The following LARP7 variants were observed in gnomAD, a reference collection of about 807,000 sequenced individuals.
LARP7 encodes the protein La ribonucleoprotein 7, transcriptional regulator.
In LARP7, 52 loss-of-function variants were observed where a neutral mutation model predicts 69.3. The observed-to-expected ratio is 0.75, with a 90% confidence interval of 0.60 to 0.95. LARP7 has a LOEUF of 0.95. Among genes scored for constraint, LARP7 ranks in the 40% least tolerant of loss-of-function variants. The pLI is 0.00. For missense variants in LARP7, 733 were observed against 673.0 expected, an observed-to-expected ratio of 1.09 and a Z score of -0.99; for synonymous variants, 254 against 215.9, an observed-to-expected ratio of 1.18 and a Z score of -1.55.
rs1402868011 is a variant in LARP7, at chr4:112,646,852, A to G, written c.449A>G (p.Asn150Ser). 13 of 1,607,760 alleles carry G rather than the reference A, an allele frequency of 8.1e-6. No homozygotes were observed. The highest frequency in any genetic ancestry group is 1.1e-5 in the Non-Finnish European group (13 of 1,178,608). ...GAAAGAGTATTTGGGAAATGTGGCAATGTTGTTTATATAAGTATACCACAT... is the reference window on the plus strand; with the variant it reads ...GAAAGAGTATTTGGGAAATGTGGCAGTGTTGTTTATATAAGTATACCACAT... ...WIERVFGKCGNVVYISIPHYK... is the reference protein window; with the variant it reads ...WIERVFGKCGSVVYISIPHYK... Residue 150 changes from asparagine (N) to serine (S), a missense_variant, in exon 5 of 13, where the codon AAT becomes AGT. Asn to Ser is a conservative substitution (Grantham distance 46). Transcript: ENST00000344442.
chr4:112,640,945 G>A (rs1419017519), intron 1 of LARP7, among the ~76,000 whole-genome samples: 1 of 152,220 alleles, frequency 6.6e-6, no homozygotes, highest in Non-Finnish European at 1.5e-5. Flanking sequence ...CCTGAAGTGG[G>A]AATGGCTTTA....
At chr4:112,653,950 A>G in intron 11 of LARP7, 118 bp from the exon 12 acceptor site, 1 of 744,978 alleles carries the variant, frequency 1.3e-6, no homozygotes, top group Non-Finnish European at 2.3e-6. Flanking sequence ...TGTGTAAAGT[A>G]GCATTAAATA....
intron 8 of LARP7, 90 bp downstream of exon 8, chr4:112,647,924 T>TATAA: frequency 1.0e-6 from 1 of 966,558 alleles, no homozygotes; most frequent in Non-Finnish European, 1.7e-6. Flanking sequence ...CAGAGTTGCA[T>TATAA]ATTAGCAACA....
At chr4:112,639,771 T>C (rs1309913643) in intron 1 of LARP7, among the ~76,000 whole-genome samples, 2 of 152,036 alleles carry the variant, frequency 1.3e-5, no homozygotes, top group African/African-American at 4.8e-5. Flanking sequence ...TGGATGGAGA[T>C]GAGAGCCATT....
chr4:112,647,034 TTTC>T lies in LARP7; in HGVS notation c.556_558del (p.Leu186del), dbSNP rs764991008. Reference sequence around the variant, plus strand: ...ATAGTAACTTTTGCAATCATTTCAGTTTCTTAACAACCCACCAGAAGAAGCACC... The same window carrying T: ...ATAGTAACTTTTGCAATCATTTCAGTTTAACAACCCACCAGAAGAAGCACC... On this transcript the variant is annotated inframe_deletion and splice_region_variant, in exon 6 of 13. Transcript: ENST00000344442. The T allele has an allele frequency of 7.2e-5, 115 of 1,597,836 alleles. No homozygotes were observed. Among genetic ancestry groups the T allele is most frequent in the Non-Finnish European group, 9.5e-5 (112 of 1,176,122 alleles).
At chr4:112,641,533 TGTA>T (rs1262922031) in intron 1 of LARP7, among the ~76,000 whole-genome samples, 1 of 152,072 alleles carries the variant, frequency 6.6e-6, no homozygotes, top group Non-Finnish European at 1.5e-5. Context: ...ATAAAGTTCT[TGTA>T]GTTGTTCAGA....
At chr4:112,638,511 C>A (rs549780756) in intron 1 of LARP7, among the ~76,000 whole-genome samples, 1 of 152,228 alleles carries the variant, frequency 6.6e-6, no homozygotes, top group East Asian at 1.9e-4. Context: ...TTGTCCTGAG[C>A]AGTATTTATT....
chr4:112,644,896 C>G (rs771916746), intron 2 of LARP7, 25 bp downstream of exon 2: 2 of 1,190,784 alleles, frequency 1.7e-6, no homozygotes, highest in Admixed American at 2.4e-5. Context: ...GTAAAGGAAC[C>G]AATTTTTAGA....
At chr4:112,650,355 A>G (rs551288036) in intron 9 of LARP7, 106 bp from the exon 10 acceptor site, 1 of 1,088,314 alleles carries the variant, frequency 9.2e-7, no homozygotes, top group Non-Finnish European at 1.3e-6. Context: ...TACGTTTTAA[A>G]TTATTTAAAT....
rs1398792496 is a variant in LARP7 at position 112,657,385 on chromosome 4, A to AT, written c.*60dup. 2.6e-6 allele frequency: 2 copies of AT among 775,880 alleles called. No homozygotes were observed. Among genetic ancestry groups the AT allele is most frequent in the Non-Finnish European group, 4.0e-6 (2 of 503,694 alleles). 48.1% of individuals were successfully genotyped at this position (775,880 alleles called of 1,614,324 possible). Reference sequence around the variant, plus strand: ...AAGATACTTGAGCTGTTCTTGGGAGATTCACTTTTATTATGGTAGCACTGC... The same window carrying AT: ...AAGATACTTGAGCTGTTCTTGGGAGATTTCACTTTTATTATGGTAGCACTGC... On this transcript the variant is annotated 3_prime_UTR_variant, in exon 13 of 13. Coordinates refer to ENST00000344442, the MANE Select transcript of LARP7 (RefSeq NM_016648.4).
intron 8 of LARP7, chr4:112,648,500 T>C (rs758753182): frequency 1.9e-6 from 1 of 534,538 alleles, no homozygotes; most frequent in African/African-American, 1.9e-5. Context: ...TACTAAAACA[T>C]GGAAGCACTT....
chr4:112,652,645 T>C (rs1221542405), intron 10 of LARP7, among the ~76,000 whole-genome samples: 2 of 152,050 alleles, frequency 1.3e-5, no homozygotes, highest in Non-Finnish European at 2.9e-5. Context: ...TTTGTACACA[T>C]ATTTTAAAGT....
At chr4:112,648,183 C>T in intron 8 of LARP7, 1 of 531,788 alleles carries the variant, frequency 1.9e-6, no homozygotes, top group South Asian at 1.4e-5. Flanking sequence ...GGAAGACTTA[C>T]CATCACCAAA....
chr4:112,650,636 C>A, intron 10 of LARP7, 54 bp downstream of exon 10: 1 of 1,532,762 alleles, frequency 6.5e-7, no homozygotes, highest in South Asian at 1.2e-5. Context: ...TATTATTTCC[C>A]TGTGTGAAAA....
intron 2 of LARP7, among the ~76,000 whole-genome samples, chr4:112,646,072 T>C (rs1209313901): frequency 6.6e-6 from 1 of 152,048 alleles, no homozygotes; most frequent in Non-Finnish European, 1.5e-5. Flanking sequence ...CTCTGCCTCC[T>C]GGGTTCAAGC....
rs2048599692 is a variant in LARP7 at position 112,649,472 on chromosome 4, T to C, written c.1143-63T>C. 3 of 1,346,798 alleles carry C rather than the reference T, an allele frequency of 2.2e-6. No individual in the cohort carries two copies. In the South Asian group the frequency reaches 4.2e-5, roughly 19 times the overall value. The allele number at this position is 1,346,798 out of a possible 1,614,324, so 83.4% of individuals were successfully genotyped here. ...CCAAGTCATTGTGAATGTATATATTTAGATATTTCCCTATTTACTTTTTAT... is the reference window on the plus strand; with the variant it reads ...CCAAGTCATTGTGAATGTATATATTCAGATATTTCCCTATTTACTTTTTAT... On this transcript the variant is annotated intron_variant, in intron 8 of 12. Transcript: ENST00000344442.
At position 112,645,481 on chromosome 4, in the gene LARP7, G is replaced by A. The variant is rs555016176; in HGVS notation, c.202+610G>A. ...TGCTATACTTTAGTTCATACAAGAA[G>A]GCATTTCACCTAGCTCAATGTTATT... On this transcript the variant is annotated intron_variant, in intron 2 of 12. Transcript: ENST00000344442. 7.0e-5 allele frequency: 32 copies of A among 456,004 alleles called. 1 individual carries two copies. The highest frequency in any genetic ancestry group is 4.5e-4 in the South Asian group (29 of 64,532). 28.2% of individuals were successfully genotyped at this position (456,004 alleles called of 1,614,324 possible).
At chr4:112,653,583 G>C (rs7700174) in intron 11 of LARP7, among the ~76,000 whole-genome samples, 102,658 of 151,972 alleles carry the variant, frequency 0.68, 35,141 homozygotes, top group East Asian at 0.96. Flanking sequence ...CTCCCGGGTT[G>C]AAGTGATTCT....
intron 8 of LARP7, chr4:112,648,461 A>C: frequency 3.7e-6 from 2 of 534,270 alleles, no homozygotes; most frequent in South Asian, 2.8e-5. Context: ...AGCGTGTTCT[A>C]TTTTGGAGAA....
Sources: gnomAD v4.1 joint callset for allele counts (sites outside exome capture counted in the v4.1 genomes callset) on GRCh38, gnomAD v4.1.1 for gene constraint, MANE v1.5 for transcripts, NCBI Gene and HGNC (gene_info 2026-07-23, HGNC 2026-07-21) for gene names.